The following AUTS2 variants were observed in gnomAD, a reference collection of about 807,000 sequenced individuals.
AUTS2 encodes activator of transcription and developmental regulator AUTS2.
Under a neutral mutation model 112.4 loss-of-function variants are expected in AUTS2, and 17 were observed. That is an observed-to-expected ratio of 0.15 (90% CI 0.10 to 0.23). The LOEUF (loss-of-function observed/expected upper bound fraction) is 0.23, where lower values mean the gene tolerates loss of function less well. Among genes scored for constraint, AUTS2 ranks in the 10% least tolerant of loss-of-function variants. The pLI is 1.00. For synonymous variants in AUTS2, 751 were observed against 702.7 expected, an observed-to-expected ratio of 1.07 and a Z score of -1.09; for missense variants, 1,510 against 1,701.6, an observed-to-expected ratio of 0.89 and a Z score of 1.98.
At chr7:70,559,482 A>G (rs1258132677) in intron 5 of AUTS2, among the ~76,000 whole-genome samples, 1 of 151,788 alleles carries the variant, frequency 6.6e-6, no homozygotes, top group Non-Finnish European at 1.5e-5. Context: ...CTACAGGCAC[A>G]CACCACCACA....
chr7:69,844,833 G>C (rs185359937), intron 1 of AUTS2, among the ~76,000 whole-genome samples: 3 of 152,210 alleles, frequency 2.0e-5, no homozygotes. Flanking sequence ...ACCCCGAATT[G>C]TGTTACATAC....
intron 2 of AUTS2, among the ~76,000 whole-genome samples, chr7:69,933,164 C>G (rs1177574326): frequency 6.6e-6 from 1 of 152,152 alleles, no homozygotes. Context: ...TTTAATGCTT[C>G]TTTAGAGTAC....
At chr7:70,688,686 G>A (rs565650590) in intron 5 of AUTS2, among the ~76,000 whole-genome samples, 2 of 152,234 alleles carry the variant, frequency 1.3e-5, no homozygotes, top group Non-Finnish European at 2.9e-5. Flanking sequence ...TTAGCCCAGC[G>A]TGGTGGCGCA....
intron 5 of AUTS2, among the ~76,000 whole-genome samples, chr7:70,462,416 A>G (rs1380604660): frequency 2.0e-5 from 3 of 152,168 alleles, no homozygotes; most frequent in Non-Finnish European, 4.4e-5. Flanking sequence ...TACAGTGTTA[A>G]TAAAGTCAGT....
Position 70,709,022 on chromosome 7 carries a change from A to G in AUTS2, c.742+10402A>G, listed in dbSNP as rs184229977. On this transcript the variant is annotated intron_variant, in intron 6 of 18. Transcript: ENST00000342771. The stretch of plus-strand genomic sequence containing the variant: ...AACCTCTGCCTCCCAGGTTCAAGCG[A>G]TTCTCCTGCCTCAGCCTCCCGAGTA... Among the ~76,000 whole-genome samples the G allele has an allele frequency of 3.5e-3, 529 of 150,216 alleles. 3 individuals carry two copies. Among genetic ancestry groups the G allele is most frequent in the African/African-American group, 0.012 (484 of 40,740 alleles).
intron 4 of AUTS2, among the ~76,000 whole-genome samples, chr7:70,349,610 C>T (rs1791657561): frequency 6.6e-6 from 1 of 151,882 alleles, no homozygotes; most frequent in East Asian, 1.9e-4. Context: ...AGCTTTGTTA[C>T]ACTGTAACAT....
intron 4 of AUTS2, among the ~76,000 whole-genome samples, chr7:70,276,630 C>T (rs901514783): frequency 3.3e-5 from 5 of 152,164 alleles, no homozygotes; most frequent in Non-Finnish European, 7.4e-5. Context: ...CTGCCTGCCT[C>T]AGCCTGCCAA....
intron 4 of AUTS2, among the ~76,000 whole-genome samples, chr7:70,248,697 A>G (rs1391088075): frequency 1.3e-5 from 2 of 151,494 alleles, no homozygotes; most frequent in African/African-American, 2.4e-5. Context: ...TTCTTCTGCA[A>G]TTTCAGAAAT....
chr7:70,224,356 A>G (rs868336207), intron 4 of AUTS2, among the ~76,000 whole-genome samples: 6,437 of 130,302 alleles, frequency 0.049, 202 homozygotes, highest in African/African-American at 0.097. Flanking sequence ...ATACAATACA[A>G]TACAATACAA....
At chr7:70,318,289 G>A (rs1415208737) in intron 4 of AUTS2, among the ~76,000 whole-genome samples, 3 of 152,000 alleles carry the variant, frequency 2.0e-5, no homozygotes, top group South Asian at 2.1e-4. Context: ...CAGTTAGGAC[G>A]ACACTGTAGA....
At chr7:70,602,008 G>A (rs1803496303) in intron 5 of AUTS2, among the ~76,000 whole-genome samples, 1 of 152,096 alleles carries the variant, frequency 6.6e-6, no homozygotes, top group Admixed American at 6.5e-5. Context: ...AGATCCTCAT[G>A]GTGGCAGTGC....
Position 70,623,709 on chromosome 7 carries a change from C to T in AUTS2, c.691-74860C>T, listed in dbSNP as rs138817849. Among the ~76,000 whole-genome samples the T allele has an allele frequency of 8.3e-4, 126 of 152,278 alleles. 1 individual carries two copies. Among genetic ancestry groups the T allele is most frequent in the African/African-American group, 2.9e-3 (119 of 41,554 alleles). On this transcript the variant is annotated intron_variant, in intron 5 of 18. Coordinates refer to ENST00000342771, the MANE Select transcript of AUTS2 (RefSeq NM_015570.4). ...AATGTTGGCTTTCTTGAAAATACAC[C>T]AGAGACCAGAGAAGGTCACCATGTG...
In AUTS2 at chr7:70,650,885, T is replaced by C. The variant is rs546133735; in HGVS notation, c.691-47684T>C. Among the ~76,000 whole-genome samples, 8 of 152,332 alleles carry C rather than the reference T, an allele frequency of 5.3e-5. No homozygotes were observed. In the East Asian group the frequency reaches 1.4e-3, roughly 26 times the overall value. Reference sequence around the variant, plus strand: ...ACATAAATTAATAGTGCCAACTAATTGATTGATGACCAGAGTTCAAATCAG... The same window carrying C: ...ACATAAATTAATAGTGCCAACTAATCGATTGATGACCAGAGTTCAAATCAG... On this transcript the variant is annotated intron_variant, in intron 5 of 18. Coordinates refer to ENST00000342771, the MANE Select transcript of AUTS2 (RefSeq NM_015570.4).
chr7:70,132,952 T>C (rs1806356821), intron 3 of AUTS2, among the ~76,000 whole-genome samples: 1 of 152,162 alleles, frequency 6.6e-6, no homozygotes, highest in Admixed American at 6.5e-5. Context: ...TGCTTTCTTC[T>C]GCTGCTGCAT....
At chr7:70,611,928 G>C (rs1438978310) in intron 5 of AUTS2, among the ~76,000 whole-genome samples, 1 of 152,224 alleles carries the variant, frequency 6.6e-6, no homozygotes, top group East Asian at 1.9e-4. Flanking sequence ...CATTAGAGTA[G>C]TCATAGTTTC....
intron 1 of AUTS2, among the ~76,000 whole-genome samples, chr7:69,838,767 C>T (rs1162331652): frequency 6.6e-6 from 1 of 152,088 alleles, no homozygotes; most frequent in African/African-American, 2.4e-5. Flanking sequence ...TGGGATAGGC[C>T]AGGCATTGAC....
intron 1 of AUTS2, among the ~76,000 whole-genome samples, chr7:69,815,464 A>T (rs113501601): frequency 1.2e-4 from 18 of 152,174 alleles, no homozygotes; most frequent in Non-Finnish European, 5.9e-5. Flanking sequence ...CAGGTAGTTT[A>T]TAGTACATTG....
chr7:70,497,204 A>G (rs1384184225), intron 5 of AUTS2, among the ~76,000 whole-genome samples: 1 of 145,400 alleles, frequency 6.9e-6, no homozygotes, highest in African/African-American at 2.6e-5. Flanking sequence ...ACACACATGC[A>G]CATGTCACAT....
intron 5 of AUTS2, among the ~76,000 whole-genome samples, chr7:70,610,678 C>T (rs371470311): frequency 1.1e-4 from 16 of 151,870 alleles, no homozygotes; most frequent in African/African-American, 3.4e-4. Flanking sequence ...TGATAGTGGC[C>T]GTCCTAACAA....
Sources: gnomAD v4.1 joint callset for allele counts (sites outside exome capture counted in the v4.1 genomes callset) on GRCh38, gnomAD v4.1.1 for gene constraint, MANE v1.5 for transcripts, NCBI Gene and HGNC (gene_info 2026-07-23, HGNC 2026-07-21) for gene names.